H2AC12: variants seen among roughly 807,000 people sequenced by gnomAD.
The protein encoded by H2AC12 is H2A clustered histone 12.
A neutral mutation model predicts 5.8 loss-of-function variants in H2AC12; 9 were observed. That is an observed-to-expected ratio of 1.56 (90% CI 0.94 to 2.71). The LOEUF (loss-of-function observed/expected upper bound fraction) is 2.71, where lower values mean the gene tolerates loss of function less well. Among genes scored for constraint, H2AC12 ranks in the 30% most tolerant of loss-of-function variants. H2AC12 has a pLI of 0.00. For synonymous variants in H2AC12, 158 were observed against 78.1 expected (o/e 2.02, Z -5.39); for missense variants, 232 against 173.1 (o/e 1.34, Z -1.91).
chr6:27,147,137 A>G lies in H2AC12; in HGVS notation c.9A>G (p.Gly3=). MS[G]RGKQGGKARA... is the part of the protein sequence containing the mutation. ...AGTAAGTTGTGACCAGTATGTCTGGACGTGGCAAGCAAGGCGGTAAAGCTC... is the reference window on the plus strand; with the variant it reads ...AGTAAGTTGTGACCAGTATGTCTGGGCGTGGCAAGCAAGGCGGTAAAGCTC... The change falls in exon 1 of 1, where the codon GGA becomes GGG. Residue 3 remains glycine (G), a synonymous_variant. Transcript: ENST00000377459. 1 of 1,611,042 alleles carries G rather than the reference A, an allele frequency of 6.2e-7. No individual in the cohort carries two copies. Among genetic ancestry groups the G allele is most frequent in the Non-Finnish European group, 8.5e-7 (1 of 1,178,198 alleles).
chr6:27,147,415 A>G lies in H2AC12; in HGVS notation c.287A>G (p.Lys96Arg), dbSNP rs1339324082. Reference protein sequence around the residue: ...LAIRNDEELNKLLGKVTIAQG... With the variant: ...LAIRNDEELNRLLGKVTIAQG... The stretch of plus-strand genomic sequence containing the variant: ...ATCCGCAACGACGAGGAGCTCAACA[A>G]GCTGCTGGGCAAAGTCACCATCGCG... Residue 96 changes from lysine to arginine, a missense_variant, in exon 1 of 1, where the codon AAG becomes AGG. Transcript: ENST00000377459. The G allele has an allele frequency of 6.8e-6, 11 of 1,614,118 alleles. No individual in the cohort carries two copies. Among genetic ancestry groups the G allele is most frequent in the African/African-American group, 1.3e-5 (1 of 74,930 alleles).
At position 27,147,322 on chromosome 6, in the gene H2AC12, A is replaced by AGCTG. The variant is rs1232941650; in HGVS notation, c.201_204dup (p.Asn69TrpfsTer52). 3.7e-6 allele frequency: 6 copies of AGCTG among 1,614,032 alleles called. No individual in the cohort carries two copies. In the African/African-American group the frequency reaches 6.7e-5, roughly 18 times the overall value. Reference sequence around the variant, plus strand: ...GAGTACCTGACCGCTGAGATCCTGGAGCTGGCTGGCAATGCGGCCCGCGAC... The same window carrying AGCTG: ...GAGTACCTGACCGCTGAGATCCTGGAGCTGGCTGGCTGGCAATGCGGCCCGCGAC... On this transcript the variant is annotated frameshift_variant, in exon 1 of 1. Coordinates refer to ENST00000377459, the MANE Select transcript of H2AC12 (RefSeq NM_080596.3). LOFTEE classifies it high-confidence loss of function.
rs1377615519 is a variant in H2AC12, at chr6:27,147,308, C to A, written c.180C>A (p.Thr60=). The change falls in exon 1 of 1, where the codon ACC becomes ACA. Residue 60 remains threonine (T), a synonymous_variant. Transcript: ENST00000377459. Reference sequence around the variant, plus strand: ...TGGCTGCGGTGCTGGAGTACCTGACCGCTGAGATCCTGGAGCTGGCTGGCA... The same window carrying A: ...TGGCTGCGGTGCTGGAGTACCTGACAGCTGAGATCCTGGAGCTGGCTGGCA... The part of the protein sequence containing the change: ...VYLAAVLEYL[T]AEILELAGNA... The A allele has an allele frequency of 1.2e-6, 2 of 1,614,140 alleles. No individual in the cohort carries two copies. The highest frequency in any genetic ancestry group is 2.2e-5 in the East Asian group (1 of 44,886).
chr6:27,147,285 G>A lies in H2AC12; in HGVS notation c.157G>A (p.Ala53Thr). 1.2e-6 allele frequency: 2 copies of A among 1,614,176 alleles called. No individual in the cohort carries two copies. Among genetic ancestry groups the A allele is most frequent in the Non-Finnish European group, 1.7e-6 (2 of 1,180,008 alleles). Residue 53 changes from alanine (A) to threonine (T), a missense_variant, in exon 1 of 1, where the codon GCT becomes ACT. Ala to Thr is a moderately conservative substitution (Grantham distance 58). Coordinates refer to ENST00000377459, the MANE Select transcript of H2AC12 (RefSeq NM_080596.3). ...RVGAGAPVYL[A>T]AVLEYLTAEI... is the part of the protein sequence containing the mutation. ...TGGAGCCGGCGCGCCAGTGTACCTGGCTGCGGTGCTGGAGTACCTGACCGC... is the reference window on the plus strand; with the variant it reads ...TGGAGCCGGCGCGCCAGTGTACCTGACTGCGGTGCTGGAGTACCTGACCGC...
In H2AC12 at chr6:27,147,190, G is replaced by T. The variant is rs769300562; in HGVS notation, c.62G>T (p.Arg21Leu). ...GCCAAGGCCAAGACCCGCTCTTCTCGGGCTGGGCTTCAGTTCCCCGTGGGC... is the reference window on the plus strand; with the variant it reads ...GCCAAGGCCAAGACCCGCTCTTCTCTGGCTGGGCTTCAGTTCCCCGTGGGC... ...ARAKAKTRSSRAGLQFPVGRV... is the reference protein window; with the variant it reads ...ARAKAKTRSSLAGLQFPVGRV... Residue 21 changes from arginine to leucine, a missense_variant, in exon 1 of 1, where the codon CGG becomes CTG. Transcript: ENST00000377459. 5.8e-5 allele frequency: 93 copies of T among 1,613,954 alleles called. 1 individual carries two copies. In the South Asian group the frequency reaches 6.7e-4, roughly 12 times the overall value.
Position 27,147,542 on chromosome 6 carries a change from CAA to C in H2AC12, c.*29_*30del, listed in dbSNP as rs758243310. On this transcript the variant is annotated 3_prime_UTR_variant, in exon 1 of 1. Coordinates refer to ENST00000377459, the MANE Select transcript of H2AC12 (RefSeq NM_080596.3). ...GAGCGAGGTTGTGAAAACTGGAAAA[CAA>C]AGGCTCTTTTCAGAGCCATTCTACA... 12 of 1,611,412 alleles carry C rather than the reference CAA, an allele frequency of 7.4e-6. No individual in the cohort carries two copies. The highest frequency in any genetic ancestry group is 2.2e-5 in the East Asian group (1 of 44,854).
rs779440655 is a variant in H2AC12, at chr6:27,147,215, C to T, written c.87C>T (p.Gly29=). 1.9e-6 allele frequency: 3 copies of T among 1,614,170 alleles called. No homozygotes were observed. Among genetic ancestry groups the T allele is most frequent in the African/African-American group, 1.3e-5 (1 of 75,042 alleles). ...SSRAGLQFPV[G]RVHRLLRKGN... ...GGGCTGGGCTTCAGTTCCCCGTGGG[C>T]CGAGTGCACCGCCTGCTCCGCAAGG... The change falls in exon 1 of 1, where the codon GGC becomes GGT. Residue 29 remains glycine, a synonymous_variant. Transcript: ENST00000377459.
Position 27,147,236 on chromosome 6 carries a change from C to CT in H2AC12, c.108_109insT (p.Lys37Ter). ...TGGGCCGAGTGCACCGCCTGCTCCG[C>CT]AAGGGTAATTATGCCGAGCGGGTTG... On this transcript the variant is annotated frameshift_variant, in exon 1 of 1. Coordinates refer to ENST00000377459, the MANE Select transcript of H2AC12 (RefSeq NM_080596.3). LOFTEE classifies it high-confidence loss of function. 1.2e-6 allele frequency: 2 copies of CT among 1,614,164 alleles called. No individual in the cohort carries two copies. The highest frequency in any genetic ancestry group is 1.1e-5 in the South Asian group (1 of 91,080).
chr6:27,147,175 A>G lies in H2AC12; in HGVS notation c.47A>G (p.Lys16Arg), dbSNP rs373638789. 10 of 1,613,850 alleles carry G rather than the reference A, an allele frequency of 6.2e-6. No individual in the cohort carries two copies. The Admixed American group carries it at 8.3e-5, about 13-fold the overall frequency. Residue 16 changes from lysine to arginine, a missense_variant, in exon 1 of 1, where the codon AAG becomes AGG. Coordinates refer to ENST00000377459, the MANE Select transcript of H2AC12 (RefSeq NM_080596.3). ...KQGGKARAKA[K>R]TRSSRAGLQF... ...GGCGGTAAAGCTCGCGCCAAGGCCA[A>G]GACCCGCTCTTCTCGGGCTGGGCTT...
Position 27,147,283 on chromosome 6 carries a change from T to C in H2AC12, c.155T>C (p.Leu52Pro), listed in dbSNP as rs1314666597. The C allele has an allele frequency of 6.2e-7, 1 of 1,614,044 alleles. No individual in the cohort carries two copies. The highest frequency in any genetic ancestry group is 1.1e-5 in the South Asian group (1 of 91,088). ...ERVGAGAPVY[L>P]AAVLEYLTAE... ...GTTGGAGCCGGCGCGCCAGTGTACC[T>C]GGCTGCGGTGCTGGAGTACCTGACC... Residue 52 changes from leucine (L) to proline (P), a missense_variant, in exon 1 of 1, where the codon CTG (leucine) becomes CCG (proline). Coordinates refer to ENST00000377459, the MANE Select transcript of H2AC12 (RefSeq NM_080596.3).
chr6:27,147,541 A>G lies in H2AC12; in HGVS notation c.*26A>G, dbSNP rs1760126974. On this transcript the variant is annotated 3_prime_UTR_variant, in exon 1 of 1. Transcript: ENST00000377459. ...GGAGCGAGGTTGTGAAAACTGGAAA[A>G]CAAAGGCTCTTTTCAGAGCCATTCT... 6.2e-7 allele frequency: 1 copy of G among 1,611,654 alleles called. No individual in the cohort carries two copies. Among genetic ancestry groups the G allele is most frequent in the Non-Finnish European group, 8.5e-7 (1 of 1,178,632 alleles).
Position 27,147,202 on chromosome 6 carries a change from A to G in H2AC12, c.74A>G (p.Gln25Arg), listed in dbSNP as rs1760114630. ...AKTRSSRAGL[Q>R]FPVGRVHRLL... is the part of the protein sequence containing the mutation. ...ACCCGCTCTTCTCGGGCTGGGCTTC[A>G]GTTCCCCGTGGGCCGAGTGCACCGC... The change falls in exon 1 of 1, where the codon CAG (glutamine) becomes CGG (arginine). Residue 25 changes from glutamine to arginine, a missense_variant. By Grantham distance (43) the Gln-to-Arg change is conservative (BLOSUM62 1). Coordinates refer to ENST00000377459, the MANE Select transcript of H2AC12 (RefSeq NM_080596.3). 1 of 1,614,056 alleles carries G rather than the reference A, an allele frequency of 6.2e-7. No homozygotes were observed. The highest frequency in any genetic ancestry group is 2.2e-5 in the East Asian group (1 of 44,890).
chr6:27,147,136 G>C lies in H2AC12; in HGVS notation c.8G>C (p.Gly3Ala). The change falls in exon 1 of 1, where the codon GGA (glycine) becomes GCA (alanine). Residue 3 changes from glycine (G) to alanine (A), a missense_variant. Physicochemically the swap from Gly to Ala is moderately conservative, Grantham distance 60 (BLOSUM62 0). Transcript: ENST00000377459. MS[G>A]RGKQGGKARA... ...CAGTAAGTTGTGACCAGTATGTCTGGACGTGGCAAGCAAGGCGGTAAAGCT... is the reference window on the plus strand; with the variant it reads ...CAGTAAGTTGTGACCAGTATGTCTGCACGTGGCAAGCAAGGCGGTAAAGCT... 6.2e-7 allele frequency: 1 copy of C among 1,610,984 alleles called. No homozygotes were observed. The highest frequency in any genetic ancestry group is 8.5e-7 in the Non-Finnish European group (1 of 1,178,150).
chr6:27,147,272 G>T lies in H2AC12; in HGVS notation c.144G>T (p.Ala48=). Residue 48 remains alanine (A), a synonymous_variant, in exon 1 of 1, where the codon GCG becomes GCT. Coordinates refer to ENST00000377459, the MANE Select transcript of H2AC12 (RefSeq NM_080596.3). ...ATGCCGAGCGGGTTGGAGCCGGCGC[G>T]CCAGTGTACCTGGCTGCGGTGCTGG... is the stretch of plus-strand genomic sequence containing the variant. ...GNYAERVGAG[A]PVYLAAVLEY... is the part of the protein sequence containing the mutation. The T allele has an allele frequency of 6.2e-7, 1 of 1,614,136 alleles. No homozygotes were observed. The highest frequency in any genetic ancestry group is 8.5e-7 in the Non-Finnish European group (1 of 1,180,018).
chr6:27,147,111 CAGT>C lies in H2AC12; in HGVS notation c.-16_-14del. The C allele has an allele frequency of 7.0e-6, 11 of 1,582,216 alleles. No individual in the cohort carries two copies. The highest frequency in any genetic ancestry group is 9.4e-6 in the Non-Finnish European group (11 of 1,165,994). Reference sequence around the variant, plus strand: ...GCTGCCTTTCCTCGTTGGCTACTTTCAGTAAGTTGTGACCAGTATGTCTGGACG... The same window carrying C: ...GCTGCCTTTCCTCGTTGGCTACTTTCAAGTTGTGACCAGTATGTCTGGACG... On this transcript the variant is annotated 5_prime_UTR_variant, in exon 1 of 1. Coordinates refer to ENST00000377459, the MANE Select transcript of H2AC12 (RefSeq NM_080596.3).
rs1562030026 is a variant in H2AC12, at chr6:27,147,490, CTG to C, written c.363_364del (p.Ser123ProfsTer3). The C allele has an allele frequency of 1.9e-6, 3 of 1,614,194 alleles. No individual in the cohort carries two copies. Among genetic ancestry groups the C allele is most frequent in the Non-Finnish European group, 1.7e-6 (2 of 1,180,030 alleles). Reference sequence around the variant, plus strand: ...CAGGCCGTGCTGCTGCCTAAGAAGACTGAGAGCCACCATAAGGCCAAATAAGG... The same window carrying C: ...CAGGCCGTGCTGCTGCCTAAGAAGACAGAGCCACCATAAGGCCAAATAAGG... On this transcript the variant is annotated frameshift_variant, in exon 1 of 1. Coordinates refer to ENST00000377459, the MANE Select transcript of H2AC12 (RefSeq NM_080596.3). LOFTEE classifies it high-confidence loss of function.
Position 27,147,441 on chromosome 6 carries a change from C to A in H2AC12, c.313C>A (p.Gln105Lys). 1 of 1,614,212 alleles carries A rather than the reference C, an allele frequency of 6.2e-7. No individual in the cohort carries two copies. Residue 105 changes from glutamine to lysine, a missense_variant, in exon 1 of 1, where the codon CAG becomes AAG. Coordinates refer to ENST00000377459, the MANE Select transcript of H2AC12 (RefSeq NM_080596.3). ...NKLLGKVTIA[Q>K]GGVLPNIQAV... ...GCTGCTGGGCAAAGTCACCATCGCG[C>A]AGGGTGGTGTCTTGCCCAATATCCA...
Position 27,147,183 on chromosome 6 carries a change from T to C in H2AC12, c.55T>C (p.Ser19Pro). 1 of 1,614,032 alleles carries C rather than the reference T, an allele frequency of 6.2e-7. No individual in the cohort carries two copies. Among genetic ancestry groups the C allele is most frequent in the Non-Finnish European group, 8.5e-7 (1 of 1,179,934 alleles). Residue 19 changes from serine (S) to proline (P), a missense_variant, in exon 1 of 1, where the codon TCT becomes CCT. Coordinates refer to ENST00000377459, the MANE Select transcript of H2AC12 (RefSeq NM_080596.3). ...GKARAKAKTR[S>P]SRAGLQFPVG... ...AGCTCGCGCCAAGGCCAAGACCCGC[T>C]CTTCTCGGGCTGGGCTTCAGTTCCC... is the stretch of plus-strand genomic sequence containing the variant.
At position 27,147,305 on chromosome 6, in the gene H2AC12, G is replaced by C. The variant is rs147640519; in HGVS notation, c.177G>C (p.Leu59=). 11,683 of 1,614,158 alleles carry C rather than the reference G, an allele frequency of 7.2e-3. 95 individuals are homozygous for C. The highest frequency in any genetic ancestry group is 7.9e-3 in the Non-Finnish European group (9,358 of 1,180,020). The change falls in exon 1 of 1, where the codon CTG becomes CTC. Residue 59 remains leucine, a synonymous_variant. Transcript: ENST00000377459. ...ACCTGGCTGCGGTGCTGGAGTACCT[G>C]ACCGCTGAGATCCTGGAGCTGGCTG... ...PVYLAAVLEY[L]TAEILELAGN...
Sources: gnomAD v4.1 joint callset for allele counts on GRCh38, gnomAD v4.1.1 for gene constraint, MANE v1.5 for transcripts, NCBI Gene and HGNC (gene_info 2026-07-23, HGNC 2026-07-21) for gene names.